The following IL16 variants were observed in gnomAD, a reference collection of about 807,000 sequenced individuals.
IL16 encodes pro-interleukin-16.
In IL16, 67 loss-of-function variants were observed where a neutral mutation model predicts 110.1. That is an observed-to-expected ratio of 0.61 (90% CI 0.50 to 0.75). IL16 has a LOEUF of 0.75. Among genes scored for constraint, IL16 ranks in the 30% least tolerant of loss-of-function variants. The pLI, the probability that IL16 is intolerant of heterozygous loss-of-function variation, is 0.00. For synonymous variants in IL16, 689 were observed against 662.9 expected (o/e 1.04, Z -0.61); for missense variants, 1,545 against 1,655.0 (o/e 0.93, Z 1.15).
chr15:81,232,080 C>G (rs1701398495), intron 2 of IL16, among the ~76,000 whole-genome samples: 2 of 38,714 alleles, frequency 5.2e-5, no homozygotes, highest in Admixed American at 2.6e-4. Flanking sequence ...TTTTTTTTCA[C>G]ATTTGTTCTT....
rs1014873843 is a variant in IL16 at position 81,301,203 on chromosome 15, G to A, written c.3150-141G>A. 6.4e-6 allele frequency: 4 copies of A among 627,760 alleles called. No individual in the cohort carries two copies. The African/African-American group carries it at 7.4e-5, about 12-fold the overall frequency. 38.9% of individuals were successfully genotyped at this position (627,760 alleles called of 1,614,324 possible). On this transcript the variant is annotated intron_variant, in intron 14 of 18. Transcript: ENST00000683961. ...ATATCTGTAGAGTGAAGGTATGCTAGTATCTACTCATAGATTTGTTGCATC... is the reference window on the plus strand; with the variant it reads ...ATATCTGTAGAGTGAAGGTATGCTAATATCTACTCATAGATTTGTTGCATC...
intron 12 of IL16, among the ~76,000 whole-genome samples, chr15:81,294,663 C>CT (rs1899899644): frequency 6.6e-6 from 1 of 152,178 alleles, no homozygotes; most frequent in Non-Finnish European, 1.5e-5. Flanking sequence ...AGCTGCCCTC[C>CT]TCTGTTTGCT....
intron 2 of IL16, among the ~76,000 whole-genome samples, chr15:81,229,657 C>T (rs184973160): frequency 3.0e-4 from 46 of 152,314 alleles, no homozygotes; most frequent in East Asian, 1.2e-3. Flanking sequence ...AGGCCAAAGG[C>T]AACAGCAGGT....
At chr15:81,288,548 C>A (rs1172774920) in intron 10 of IL16, among the ~76,000 whole-genome samples, 2 of 152,160 alleles carry the variant, frequency 1.3e-5, no homozygotes, top group African/African-American at 4.8e-5. Flanking sequence ...GCAACCATTG[C>A]CACCATCCGT....
intron 4 of IL16, among the ~76,000 whole-genome samples, chr15:81,268,339 C>T (rs528199998): frequency 5.4e-5 from 5 of 93,456 alleles, no homozygotes; most frequent in Admixed American, 8.9e-5. Flanking sequence ...TTACAAACAG[C>T]TATACAGCCA....
chr15:81,222,141 C>T (rs1896635644), intron 1 of IL16, among the ~76,000 whole-genome samples: 1 of 151,834 alleles, frequency 6.6e-6, no homozygotes, highest in Non-Finnish European at 1.5e-5. Flanking sequence ...TCCAAGAACC[C>T]ATGCAGACTG....
At chr15:81,209,783 C>CAG (rs1384028556) in intron 1 of IL16, among the ~76,000 whole-genome samples, 9 of 152,306 alleles carry the variant, frequency 5.9e-5, no homozygotes, top group South Asian at 2.1e-4. Flanking sequence ...CTCCCCTCGC[C>CAG]AGTGGCCCTG....
intron 2 of IL16, among the ~76,000 whole-genome samples, chr15:81,241,805 C>T (rs1897345276): frequency 6.6e-6 from 1 of 151,968 alleles, no homozygotes; most frequent in Admixed American, 6.6e-5. Flanking sequence ...GCAAGGTTCC[C>T]TCATGTTACC....
intron 1 of IL16, among the ~76,000 whole-genome samples, chr15:81,210,982 C>T (rs1896219224): frequency 1.3e-5 from 2 of 152,130 alleles, no homozygotes; most frequent in Admixed American, 1.3e-4. Flanking sequence ...TGTGGGTTTT[C>T]ATAGATGGCT....
At chr15:81,213,937 A>T (rs963312261) in intron 1 of IL16, among the ~76,000 whole-genome samples, 4 of 151,858 alleles carry the variant, frequency 2.6e-5, no homozygotes, top group Non-Finnish European at 4.4e-5. Flanking sequence ...TCCTGTCCTC[A>T]TGTCCTCATA....
At chr15:81,222,493 C>G (rs907287005) in intron 1 of IL16, among the ~76,000 whole-genome samples, 2 of 151,230 alleles carry the variant, frequency 1.3e-5, no homozygotes, top group African/African-American at 2.4e-5. Flanking sequence ...GAACTCAGTC[C>G]CTCTCAGATT....
chr15:81,204,498 T>A (rs1895938084), intron 1 of IL16, among the ~76,000 whole-genome samples: 1 of 152,084 alleles, frequency 6.6e-6, no homozygotes, highest in South Asian at 2.1e-4. Flanking sequence ...ATACGTCCCA[T>A]CAATACCTAA....
chr15:81,206,208 C>T (rs1169901909), intron 1 of IL16, among the ~76,000 whole-genome samples: 3 of 151,712 alleles, frequency 2.0e-5, no homozygotes, highest in Non-Finnish European at 4.4e-5. Context: ...ATTTCATCGT[C>T]GTACAAACGT....
chr15:81,313,328 G>A lies in IL16; in HGVS notation c.*4530G>A, dbSNP rs771204487. 1.9e-6 allele frequency: 3 copies of A among 1,579,214 alleles called. No homozygotes were observed. Among genetic ancestry groups the A allele is most frequent in the Admixed American group, 1.8e-5 (1 of 55,306 alleles). On this transcript the variant is annotated 3_prime_UTR_variant, in exon 19 of 19. Coordinates refer to ENST00000683961, the MANE Select transcript of IL16 (RefSeq NM_172217.5). ...GGGTCATGCTGCGGGGGAAGAAGGA[G>A]TCCACCACGTTCTGTGGGAGGTAAC...
At chr15:81,306,721 C>A in intron 18 of IL16, 176 bp downstream of exon 18, 1 of 750,370 alleles carries the variant, frequency 1.3e-6, no homozygotes, top group Non-Finnish European at 2.3e-6. Context: ...TTCTCCTTTG[C>A]TCAGACATCC....
Position 81,299,431 on chromosome 15 carries a change from T to C in IL16, c.2105T>C (p.Met702Thr). The change falls in exon 14 of 19, where the codon ATG becomes ACG. Residue 702 changes from methionine (M) to threonine (T), a missense_variant. Met to Thr is a moderately conservative substitution (Grantham distance 81). Coordinates refer to ENST00000683961, the MANE Select transcript of IL16 (RefSeq NM_172217.5). ...KHPLLKRQAR[M>T]DYSFDTTAED... ...CCACTGCTTAAGAGGCAGGCTCGGA[T>C]GGACTATAGCTTTGATACCACAGCC... 1.2e-6 allele frequency: 2 copies of C among 1,614,160 alleles called. No homozygotes were observed. The highest frequency in any genetic ancestry group is 1.1e-5 in the South Asian group (1 of 91,092).
At chr15:81,261,976 G>A (rs145891684) in intron 3 of IL16, among the ~76,000 whole-genome samples, 1 of 152,236 alleles carries the variant, frequency 6.6e-6, no homozygotes, top group Non-Finnish European at 1.5e-5. Context: ...GCTGGTAGGA[G>A]GATCCCTTGA....
intron 2 of IL16, among the ~76,000 whole-genome samples, chr15:81,238,233 C>T (rs1453832268): frequency 6.6e-6 from 1 of 152,140 alleles, no homozygotes; most frequent in Non-Finnish European, 1.5e-5. Context: ...TGTATTTAAG[C>T]AATTTATATT....
intron 2 of IL16, among the ~76,000 whole-genome samples, chr15:81,240,277 TC>T (rs1370621852): frequency 2.6e-5 from 4 of 152,106 alleles, no homozygotes; most frequent in African/African-American, 7.2e-5. Flanking sequence ...ATTTCCCCTT[TC>T]CCCTCACCTA....
Sources: gnomAD v4.1 joint callset for allele counts (sites outside exome capture counted in the v4.1 genomes callset) on GRCh38, gnomAD v4.1.1 for gene constraint, MANE v1.5 for transcripts, NCBI Gene and HGNC (gene_info 2026-07-23, HGNC 2026-07-21) for gene names.